SLC9A4: variants seen among roughly 807,000 people sequenced by gnomAD.
The protein encoded by SLC9A4 is sodium/hydrogen exchanger 4.
A neutral mutation model predicts 67.4 loss-of-function variants in SLC9A4; 63 were observed. That is an observed-to-expected ratio of 0.93 (90% CI 0.76 to 1.15). SLC9A4 has a LOEUF of 1.15. Among genes scored for constraint, SLC9A4 ranks in the 50% most tolerant of loss-of-function variants. SLC9A4 has a pLI of 0.00. For missense variants in SLC9A4, 1,089 were observed against 987.7 expected (o/e 1.10, Z -1.38); for synonymous variants, 393 against 367.2 (o/e 1.07, Z -0.80).
intron 2 of SLC9A4, among the ~76,000 whole-genome samples, chr2:102,487,061 T>A (rs773712262): frequency 1.3e-5 from 2 of 151,938 alleles, no homozygotes; most frequent in Non-Finnish European, 2.9e-5. Context: ...AGGGCAGGAG[T>A]CTGGTGCCCA....
intron 2 of SLC9A4, 103 bp from the exon 3 acceptor site, chr2:102,503,344 AT>A: frequency 1.8e-6 from 2 of 1,083,992 alleles, no homozygotes; most frequent in Non-Finnish European, 1.3e-6. Context: ...TGTGTAATTT[AT>A]TTTTGTGTAT....
intron 1 of SLC9A4, among the ~76,000 whole-genome samples, chr2:102,474,396 G>A (rs1684283964): frequency 6.6e-6 from 1 of 152,166 alleles, no homozygotes; most frequent in East Asian, 1.9e-4. Context: ...TGTTTCTTCT[G>A]TAAAATATTC....
chr2:102,519,388 G>T (rs2104444637), intron 8 of SLC9A4, among the ~76,000 whole-genome samples: 1 of 152,080 alleles, frequency 6.6e-6, no homozygotes, highest in Middle Eastern at 3.4e-3. Context: ...GTATTAATCT[G>T]TGAATTGCTT....
At chr2:102,526,476 C>A in intron 11 of SLC9A4, 130 bp downstream of exon 11, 1 of 719,966 alleles carries the variant, frequency 1.4e-6, no homozygotes, top group South Asian at 2.2e-5. Flanking sequence ...AAGAAGAAAA[C>A]AACTTCTTTT....
intron 2 of SLC9A4, among the ~76,000 whole-genome samples, chr2:102,500,566 A>G (rs1281224742): frequency 6.6e-6 from 1 of 152,172 alleles, no homozygotes; most frequent in African/African-American, 2.4e-5. Flanking sequence ...TGTATTGTCA[A>G]TGAAACTTCC....
chr2:102,509,704 G>A (rs1331821485), intron 6 of SLC9A4, among the ~76,000 whole-genome samples: 1 of 152,184 alleles, frequency 6.6e-6, no homozygotes, highest in African/African-American at 2.4e-5. Context: ...GGCTCAGTGA[G>A]GCTCTGGGTA....
intron 2 of SLC9A4, among the ~76,000 whole-genome samples, chr2:102,489,164 A>T (rs1277146668): frequency 6.6e-6 from 1 of 152,144 alleles, no homozygotes; most frequent in Non-Finnish European, 1.5e-5. Flanking sequence ...CTGACACTAG[A>T]TGGTGAAAGA....
At chr2:102,505,524 C>T (rs143560325) in intron 4 of SLC9A4, 53 bp downstream of exon 4, 539 of 1,552,644 alleles carry the variant, frequency 3.5e-4, no homozygotes, top group Non-Finnish European at 4.4e-4. Flanking sequence ...TTTCAGTTCT[C>T]TTATTCCCTT....
In SLC9A4 at chr2:102,520,085, T is replaced by G. The variant is rs565174866; in HGVS notation, c.1818+130T>G. On this transcript the variant is annotated intron_variant, in intron 9 of 11. Transcript: ENST00000295269. ...TGTAAGGTGGTAACTTGCTGAATAT[T>G]TTCTCTCTGCTTAGTTTGGAGAATA... 4 of 679,078 alleles carry G rather than the reference T, an allele frequency of 5.9e-6. No homozygotes were observed. The South Asian group carries it at 8.6e-5, about 15-fold the overall frequency. The allele number at this position is 679,078 out of a possible 1,614,324, so 42.1% of individuals were successfully genotyped here.
At position 102,487,178 on chromosome 2, in the gene SLC9A4, G is replaced by GGTGTGTGTGTGTGTGT. The variant is rs55756786; in HGVS notation, c.720+7889_720+7904dup. Among the ~76,000 whole-genome samples, 859 of 149,188 alleles carry GGTGTGTGTGTGTGTGT rather than the reference G, an allele frequency of 5.8e-3. 7 individuals are homozygous for GGTGTGTGTGTGTGTGT. The highest frequency in any genetic ancestry group is 0.019 in the African/African-American group (758 of 40,280). On this transcript the variant is annotated intron_variant, in intron 2 of 11. Coordinates refer to ENST00000295269, the MANE Select transcript of SLC9A4 (RefSeq NM_001011552.4). ...ACGGTGAACTTCTCAGCTCACAGCTGGTGTGTGTGTGTGTGTGTGTGTGTG... is the reference window on the plus strand; with the variant it reads ...ACGGTGAACTTCTCAGCTCACAGCTGGTGTGTGTGTGTGTGTGTGTGTGTGTGTGTGTGTGTGTGTG...
intron 9 of SLC9A4, among the ~76,000 whole-genome samples, chr2:102,521,089 A>G (rs1395428764): frequency 1.3e-5 from 2 of 152,200 alleles, no homozygotes; most frequent in Non-Finnish European, 2.9e-5. Flanking sequence ...TAGATAAATA[A>G]TAGATAACAA....
At chr2:102,484,639 C>G in intron 2 of SLC9A4, among the ~76,000 whole-genome samples, 1 of 152,204 alleles carries the variant, frequency 6.6e-6, no homozygotes, top group East Asian at 1.9e-4. Context: ...CACCACCTCA[C>G]AGATGGGAGG....
intron 8 of SLC9A4, among the ~76,000 whole-genome samples, chr2:102,517,285 A>G (rs1685294108): frequency 6.6e-6 from 1 of 152,260 alleles, no homozygotes; most frequent in African/African-American, 2.4e-5. Flanking sequence ...CACTTTTCCT[A>G]CAGACTTCAC....
chr2:102,503,883 C>T (rs1383473403), intron 3 of SLC9A4, among the ~76,000 whole-genome samples, 176 bp downstream of exon 3: 2 of 152,168 alleles, frequency 1.3e-5, no homozygotes, highest in Non-Finnish European at 2.9e-5. Flanking sequence ...GTCAAACCAA[C>T]GTTCTCTCCA....
chr2:102,478,814 C>A, intron 1 of SLC9A4, 25 bp from the exon 2 acceptor site: 1 of 1,605,858 alleles, frequency 6.2e-7, no homozygotes, highest in Admixed American at 1.7e-5. Flanking sequence ...TTGCAAGCAC[C>A]TAACTGCTCT....
intron 2 of SLC9A4, among the ~76,000 whole-genome samples, chr2:102,489,930 C>T (rs757287055): frequency 7.2e-5 from 11 of 152,268 alleles, no homozygotes; most frequent in Admixed American, 6.5e-4. Context: ...GTTTACTATG[C>T]CAGAGCTCCT....
At position 102,512,220 on chromosome 2, in the gene SLC9A4, G is replaced by A; in HGVS notation, c.1506G>A (p.Lys502=). 1.2e-6 allele frequency: 2 copies of A among 1,614,064 alleles called. No homozygotes were observed. The highest frequency in any genetic ancestry group is 1.7e-6 in the Non-Finnish European group (2 of 1,179,976). ...TTTGGCAGCTGATGGATCACTTAAA[G>A]GCTGGAATCGAAGATGTGTGTGGGC... The part of the protein sequence containing the change: ...ELHIRLMDHL[K]AGIEDVCGHW... The change falls in exon 7 of 12, where the codon AAG becomes AAA. Residue 502 remains lysine, a synonymous_variant. Coordinates refer to ENST00000295269, the MANE Select transcript of SLC9A4 (RefSeq NM_001011552.4).
chr2:102,498,180 C>T (rs1003201860), intron 2 of SLC9A4, among the ~76,000 whole-genome samples: 1 of 152,164 alleles, frequency 6.6e-6, no homozygotes, highest in South Asian at 2.1e-4. Context: ...TGAAATGAAC[C>T]CAAAGAAAAT....
intron 11 of SLC9A4, 43 bp downstream of exon 11, chr2:102,526,389 C>T (rs768052076): frequency 6.3e-7 from 1 of 1,585,712 alleles, no homozygotes; most frequent in Non-Finnish European, 8.7e-7. Flanking sequence ...TCTGTAGAGT[C>T]AGGTGGTAAA....
Sources: gnomAD v4.1 joint callset for allele counts (sites outside exome capture counted in the v4.1 genomes callset) on GRCh38, gnomAD v4.1.1 for gene constraint, MANE v1.5 for transcripts, NCBI Gene and HGNC (gene_info 2026-07-23, HGNC 2026-07-21) for gene names.